Variants in DNAH10 observed in about 807,000 individuals in gnomAD.
The protein encoded by DNAH10 is axonemal beta dynein heavy chain 10.
A neutral mutation model predicts 506.6 loss-of-function variants in DNAH10; 348 were observed. That is an observed-to-expected ratio of 0.69 (90% CI 0.63 to 0.75). The LOEUF (loss-of-function observed/expected upper bound fraction) is 0.75, where lower values mean the gene tolerates loss of function less well. Among genes scored for constraint, DNAH10 ranks in the 30% least tolerant of loss-of-function variants. The probability of loss-of-function intolerance (pLI) is 0.00; values close to 1 mark genes in which losing one functional copy is unlikely to be tolerated. For synonymous variants in DNAH10, 2,059 were observed against 2,198.6 expected (o/e 0.94, Z 1.78); for missense variants, 5,179 against 5,787.1 (o/e 0.89, Z 3.41).
In DNAH10 at chr12:123,853,920, A is replaced by G. The variant is rs1951281422; in HGVS notation, c.6438+568A>G. 6.7e-6 allele frequency among the ~76,000 whole-genome samples: 1 copy of G among 150,094 alleles called. No individual in the cohort carries two copies. Among genetic ancestry groups the G allele is most frequent in the African/African-American group, 2.5e-5 (1 of 40,690 alleles). On this transcript the variant is annotated intron_variant, in intron 36 of 78. Transcript: ENST00000673944. The surrounding 1 kb of genome is among the most constrained non-coding windows in gnomAD (Gnocchi z 4.7). ...TACGCACGCACATGTACACATACGC[A>G]CACGCACGCACACGCACACGCACAC...
chr12:123,792,984 A>G (rs1475754942), intron 11 of DNAH10, among the ~76,000 whole-genome samples: 1 of 152,242 alleles, frequency 6.6e-6, no homozygotes, highest in African/African-American at 2.4e-5. Context: ...TAACAGGTAT[A>G]GAATCCAAGG....
In DNAH10 at chr12:123,851,094, C is replaced by T. The variant is rs373745695; in HGVS notation, c.6291+18C>T. 42 of 1,583,214 alleles carry T rather than the reference C, an allele frequency of 2.7e-5. No homozygotes were observed. The highest frequency in any genetic ancestry group is 1.7e-4 in the Middle Eastern group (1 of 5,944). ...AGGCCAAGGTGGGGGGCCTTGGCAG[C>T]GCCAGGTCGTGCAGTGCAGACTTCA... On this transcript the variant is annotated intron_variant, in intron 35 of 78. Coordinates refer to ENST00000673944, the MANE Select transcript of DNAH10 (RefSeq NM_001372106.1).
intron 30 of DNAH10, among the ~76,000 whole-genome samples, chr12:123,843,819 C>T (rs930453577): frequency 6.6e-6 from 1 of 152,238 alleles, no homozygotes; most frequent in African/African-American, 2.4e-5. Flanking sequence ...CTCAGGTGAT[C>T]TGCCGGCCTC....
At position 123,917,717 on chromosome 12, in the gene DNAH10, T is replaced by G. The variant is rs1954546813; in HGVS notation, c.11136T>G (p.Asp3712Glu). 1 of 1,563,496 alleles carries G rather than the reference T, an allele frequency of 6.4e-7. No homozygotes were observed. Among genetic ancestry groups the G allele is most frequent in the East Asian group, 2.4e-5 (1 of 41,650 alleles). ...AGAACCTGCTCAAGGACCTGGAAGA[T>G]TCCCTCCTTCGGGAGCTGGCCACGT... The part of the protein sequence containing the change: ...ENKNLLKDLE[D>E]SLLRELATST... The change falls in exon 64 of 79, where the codon GAT becomes GAG. Residue 3712 changes from aspartate (D) to glutamate (E), a missense_variant. Physicochemically the swap from Asp to Glu is conservative, Grantham distance 45. Coordinates refer to ENST00000673944, the MANE Select transcript of DNAH10 (RefSeq NM_001372106.1). This position sits in a 1 kb window ranked among gnomAD's most constrained non-coding sequence, Gnocchi z 5.6.
intron 56 of DNAH10, among the ~76,000 whole-genome samples, chr12:123,901,646 T>C (rs1953524946): frequency 6.6e-6 from 1 of 152,128 alleles, no homozygotes; most frequent in Non-Finnish European, 1.5e-5. Flanking sequence ...CAGACATTTA[T>C]TTTTTTAAAT....
rs1357273676 is a variant in DNAH10, at chr12:123,909,532, T to C, written c.9997+90T>C. 1.4e-6 allele frequency: 2 copies of C among 1,439,502 alleles called. No homozygotes were observed. The highest frequency in any genetic ancestry group is 1.8e-6 in the Non-Finnish European group (2 of 1,083,146). 89.2% of individuals were successfully genotyped at this position (1,439,502 alleles called of 1,614,324 possible). A position where few individuals can be genotyped will look rare whatever the true frequency, so the allele number is the denominator to read the frequency against. ...CAGGGATGGAGGGCAAGGAGGCTTGTCGTGGGCAGGCCCTCCCCTTCTGGT... is the reference window on the plus strand; with the variant it reads ...CAGGGATGGAGGGCAAGGAGGCTTGCCGTGGGCAGGCCCTCCCCTTCTGGT... On this transcript the variant is annotated intron_variant, in intron 58 of 78. Coordinates refer to ENST00000673944, the MANE Select transcript of DNAH10 (RefSeq NM_001372106.1). The surrounding 1 kb of genome is among the most constrained non-coding windows in gnomAD (Gnocchi z 5.4).
Position 123,903,466 on chromosome 12 carries a change from G to A in DNAH10, c.9815+353G>A, listed in dbSNP as rs1953624607. On this transcript the variant is annotated intron_variant, in intron 57 of 78. Transcript: ENST00000673944. This position sits in a 1 kb window ranked among gnomAD's most constrained non-coding sequence, Gnocchi z 4.6. ...GCAGGGGCAGGATGCTCACCATGGG[G>A]CTGAGCCCTGCTGAAAACAGCTCTG... is the stretch of plus-strand genomic sequence containing the variant. 6.6e-6 allele frequency among the ~76,000 whole-genome samples: 1 copy of A among 152,226 alleles called. No homozygotes were observed. The highest frequency in any genetic ancestry group is 2.4e-5 in the African/African-American group (1 of 41,454).
chr12:123,763,469 G>C (rs1218224827), intron 1 of DNAH10, among the ~76,000 whole-genome samples: 2 of 152,014 alleles, frequency 1.3e-5, no homozygotes, highest in African/African-American at 4.8e-5. Flanking sequence ...CCCTTGCAGG[G>C]CCTCTCACTG....
intron 40 of DNAH10, 48 bp from the exon 41 acceptor site, chr12:123,865,903 T>C (rs1566015156): frequency 6.6e-7 from 1 of 1,519,396 alleles, no homozygotes. Flanking sequence ...ACATCTAGTT[T>C]ATCTTGTGTA....
chr12:123,786,109 T>C (rs766106093), intron 9 of DNAH10, among the ~76,000 whole-genome samples, 173 bp downstream of exon 9: 1 of 152,120 alleles, frequency 6.6e-6, no homozygotes, highest in Non-Finnish European at 1.5e-5. Context: ...CCCAGCACTT[T>C]GGGAGGCCGA....
At chr12:123,764,663 G>A (rs1206226130) in intron 1 of DNAH10, among the ~76,000 whole-genome samples, 2 of 152,200 alleles carry the variant, frequency 1.3e-5, no homozygotes, top group East Asian at 3.9e-4. Context: ...CACCTCAGAG[G>A]GTCCCCCTGG....
chr12:123,893,524 C>T (rs1953082641), intron 53 of DNAH10, 88 bp downstream of exon 53: 1 of 1,488,868 alleles, frequency 6.7e-7, no homozygotes, highest in Admixed American at 1.7e-5. Flanking sequence ...CAGGTTCCCC[C>T]AGCAAAGCAA....
Position 123,902,986 on chromosome 12 carries a change from G to A in DNAH10, c.9688G>A (p.Glu3230Lys). The A allele has an allele frequency of 1.3e-6, 2 of 1,595,884 alleles. No individual in the cohort carries two copies. The highest frequency in any genetic ancestry group is 1.7e-6 in the Non-Finnish European group (2 of 1,171,538). The change falls in exon 57 of 79, where the codon GAG becomes AAG. Residue 3230 changes from glutamate (E) to lysine (K), a missense_variant. This residue lies in a region of DNAH10 where 4,844 missense variants were observed against 5,430.5 expected (regional missense o/e 0.89). Coordinates refer to ENST00000673944, the MANE Select transcript of DNAH10 (RefSeq NM_001372106.1). The surrounding 1 kb of genome is among the most constrained non-coding windows in gnomAD (Gnocchi z 4.5). ...AGAGGAAAAGGCCATGGAGATAGAGGAGCAGAACAAAGTCATTGCCATGGA... is the reference window on the plus strand; with the variant it reads ...AGAGGAAAAGGCCATGGAGATAGAGAAGCAGAACAAAGTCATTGCCATGGA... ...LAEEKAMEIE[E>K]QNKVIAMEKA...
rs187543666 is a variant in DNAH10, at chr12:123,830,068, C to A, written c.4392-478C>A. Among the ~76,000 whole-genome samples, 3 of 152,316 alleles carry A rather than the reference C, an allele frequency of 2.0e-5. No homozygotes were observed. The East Asian group carries it at 5.8e-4, about 29-fold the overall frequency. ...TTTGTTGATTGTTTGTTGTTTGTCT[C>A]CCCAAGTAAGTGGCAGGTTCTCTGA... On this transcript the variant is annotated intron_variant, in intron 25 of 78. Transcript: ENST00000673944.
chr12:123,867,378 C>T lies in DNAH10; in HGVS notation c.7168-89C>T, dbSNP rs74510847. On this transcript the variant is annotated intron_variant, in intron 41 of 78. Transcript: ENST00000673944. Reference sequence around the variant, plus strand: ...GTATCATTCATCAGAAGATGTTGCTCAACCCTCTTTGGGCAAGAAAAGCTT... The same window carrying T: ...GTATCATTCATCAGAAGATGTTGCTTAACCCTCTTTGGGCAAGAAAAGCTT... 8,509 of 1,423,772 alleles carry T rather than the reference C, an allele frequency of 6.0e-3. 176 individuals are homozygous for T. The African/African-American group carries it at 0.063, about 11-fold the overall frequency. The allele number at this position is 1,423,772 out of a possible 1,614,324, so 88.2% of individuals were successfully genotyped here.
At position 123,845,918 on chromosome 12, in the gene DNAH10, T is replaced by C. The variant is rs200764770; in HGVS notation, c.5630+49T>C. Reference sequence around the variant, plus strand: ...GCATTTCAAAAGGGACCCTTTGTGGTCCGCTGATCTGTCTCAACGGTTTCC... The same window carrying C: ...GCATTTCAAAAGGGACCCTTTGTGGCCCGCTGATCTGTCTCAACGGTTTCC... On this transcript the variant is annotated intron_variant, in intron 31 of 78. Transcript: ENST00000673944. 1.4e-5 allele frequency: 22 copies of C among 1,612,156 alleles called. No homozygotes were observed. The African/African-American group carries it at 1.9e-4, about 14-fold the overall frequency.
At position 123,928,880 on chromosome 12, in the gene DNAH10, C is replaced by T. The variant is rs1328479416; in HGVS notation, c.12306+293C>T. On this transcript the variant is annotated intron_variant, in intron 70 of 78. Transcript: ENST00000673944. This position sits in a 1 kb window ranked among gnomAD's most constrained non-coding sequence, Gnocchi z 4.9. The stretch of plus-strand genomic sequence containing the variant: ...GGCCCCCCCCCCCACACACAGCCTG[C>T]AGTTCGCTAGTGCTGACTGCAGGAG... 2 of 475,300 alleles carry T rather than the reference C, an allele frequency of 4.2e-6. No homozygotes were observed. The highest frequency in any genetic ancestry group is 2.0e-5 in the African/African-American group (1 of 49,920). 29.4% of individuals were successfully genotyped at this position (475,300 alleles called of 1,614,324 possible).
At chr12:123,861,433 G>T (rs1364443543) in intron 39 of DNAH10, among the ~76,000 whole-genome samples, 1 of 152,234 alleles carries the variant, frequency 6.6e-6, no homozygotes, top group Admixed American at 6.5e-5. Flanking sequence ...GCCTAGAAAA[G>T]GTCAGAAATG....
At chr12:123,809,070 G>T in intron 19 of DNAH10, 117 bp downstream of exon 19, 1 of 1,230,678 alleles carries the variant, frequency 8.1e-7, no homozygotes, top group Non-Finnish European at 1.1e-6. Context: ...TTGACCTTCT[G>T]CCTTGTGACT....
Sources: allele counts gnomAD v4.1 joint callset (sites outside exome capture counted in the v4.1 genomes callset), GRCh38; gene constraint gnomAD v4.1.1; regional missense constraint gnomAD v4.1.1; non-coding constraint Gnocchi (gnomAD v3.1); transcripts MANE v1.5; gene names NCBI Gene and HGNC (gene_info 2026-07-23, HGNC 2026-07-21).